Variants in LRBA observed in about 807,000 individuals in gnomAD.
LRBA encodes the protein LPS responsive beige-like anchor protein, also known as lipopolysaccharide-responsive and beige-like anchor protein.
A neutral mutation model predicts 330.0 loss-of-function variants in LRBA; 176 were observed. That is an observed-to-expected ratio of 0.53 (90% CI 0.47 to 0.60). The LOEUF (loss-of-function observed/expected upper bound fraction) is 0.60. Ranked by LOEUF, LRBA falls within the 20% of genes least tolerant of loss-of-function variation. The pLI is 0.00. For missense variants in LRBA, 3,259 were observed against 3,444.8 expected, an observed-to-expected ratio of 0.95 and a Z score of 1.35; for synonymous variants, 1,230 against 1,193.0, an observed-to-expected ratio of 1.03 and a Z score of -0.64.
At chr4:150,688,467 A>T (rs1783820725) in intron 36 of LRBA, among the ~76,000 whole-genome samples, 1 of 152,212 alleles carries the variant, frequency 6.6e-6, no homozygotes, top group African/African-American at 2.4e-5. Flanking sequence ...ATCTAATTAA[A>T]CTAAAGAGCT....
chr4:150,672,907 T>C (rs1362937716), intron 37 of LRBA, among the ~76,000 whole-genome samples: 1 of 152,012 alleles, frequency 6.6e-6, no homozygotes, highest in Non-Finnish European at 1.5e-5. Context: ...TAGAAATGCA[T>C]CAACGGAAGG....
At chr4:150,864,696 G>C (rs1230927093) in intron 22 of LRBA, among the ~76,000 whole-genome samples, 1 of 146,610 alleles carries the variant, frequency 6.8e-6, no homozygotes, top group Non-Finnish European at 1.5e-5. Flanking sequence ...ACCCAGGCTG[G>C]AGTATAGTGG....
chr4:150,672,789 A>C (rs1396024018), intron 37 of LRBA, among the ~76,000 whole-genome samples: 45 of 152,302 alleles, frequency 3.0e-4, no homozygotes. Flanking sequence ...ACAGTATCCA[A>C]GTCTGTCTAT....
intron 2 of LRBA, chr4:150,970,562 C>CGTGTGTGTGT (rs1561074281): frequency 6.1e-4 from 67 of 109,464 alleles, no homozygotes; most frequent in African/African-American, 2.4e-3. Context: ...TGTGTACACA[C>CGTGTGTGTGT]ACACACACAC....
intron 2 of LRBA, among the ~76,000 whole-genome samples, chr4:150,944,192 C>T (rs1148640): frequency 0.96 from 146,101 of 152,320 alleles, 70,357 homozygotes; most frequent in Non-Finnish European, 1. Context: ...ATGTTTATCA[C>T]TGTTTTACAC....
chr4:150,354,171 T>C (rs1021784878), intron 47 of LRBA, among the ~76,000 whole-genome samples: 2 of 152,252 alleles, frequency 1.3e-5, no homozygotes, highest in South Asian at 4.1e-4. Flanking sequence ...ATAACTCCCA[T>C]TTTTAAGATT....
intron 34 of LRBA, among the ~76,000 whole-genome samples, chr4:150,765,022 T>C (rs1735567270): frequency 6.6e-6 from 1 of 151,018 alleles, no homozygotes; most frequent in African/African-American, 2.4e-5. Flanking sequence ...GCAAACAAAA[T>C]GTCCTTCAGA....
intron 2 of LRBA, among the ~76,000 whole-genome samples, chr4:150,954,817 CAAAAAAAAA>C (rs34282784): frequency 2.2e-5 from 1 of 45,530 alleles, no homozygotes; most frequent in East Asian, 6.6e-4. Context: ...ACTCAGAAAT[CAAAAAAAAA>C]AAAAAAAAAA....
chr4:150,711,925 T>G (rs1283113753), intron 36 of LRBA, among the ~76,000 whole-genome samples: 1 of 152,166 alleles, frequency 6.6e-6, no homozygotes, highest in African/African-American at 2.4e-5. Context: ...ATTCAAAAGT[T>G]TACTCACTGA....
chr4:150,743,286 C>T (rs7663641), intron 35 of LRBA, among the ~76,000 whole-genome samples: 133,082 of 152,164 alleles, frequency 0.87, 58,586 homozygotes, highest in Non-Finnish European at 0.94. Flanking sequence ...CTTAATAATG[C>T]GCTATATGAA....
intron 37 of LRBA, among the ~76,000 whole-genome samples, chr4:150,669,237 TAG>T (rs1554076262): frequency 2.6e-5 from 4 of 152,298 alleles, no homozygotes; most frequent in Non-Finnish European, 5.9e-5. Flanking sequence ...TTACAAATAT[TAG>T]AGTTCCTGTA....
intron 47 of LRBA, among the ~76,000 whole-genome samples, chr4:150,385,380 C>G (rs530217999): frequency 1.3e-5 from 2 of 152,158 alleles, no homozygotes; most frequent in East Asian, 3.9e-4. Flanking sequence ...AAAATAAACT[C>G]GTTTTTTAGT....
intron 34 of LRBA, among the ~76,000 whole-genome samples, chr4:150,795,030 C>A (rs1175641512): frequency 6.6e-6 from 1 of 152,014 alleles, no homozygotes; most frequent in Admixed American, 6.5e-5. Flanking sequence ...GGGTTGAAAC[C>A]ATTTTTAAAT....
At chr4:150,843,324 A>C (rs1282952716) in intron 28 of LRBA, among the ~76,000 whole-genome samples, 2 of 152,372 alleles carry the variant, frequency 1.3e-5, no homozygotes, top group Admixed American at 1.3e-4. Flanking sequence ...AATTGAGGTT[A>C]GAAAGTTTGT....
intron 34 of LRBA, among the ~76,000 whole-genome samples, chr4:150,783,007 A>G (rs1407166767): frequency 1.3e-5 from 2 of 152,174 alleles, no homozygotes; most frequent in Non-Finnish European, 2.9e-5. Context: ...TTTGTTTTCA[A>G]TGTCAGAAAT....
Position 150,659,130 on chromosome 4 carries a change from G to T in LRBA, c.5921+24421C>A, listed in dbSNP as rs1320054765. Among the ~76,000 whole-genome samples the T allele has an allele frequency of 2.2e-5, 3 of 136,928 alleles. No individual in the cohort carries two copies. The Admixed American group carries it at 2.2e-4, about 10-fold the overall frequency. The allele number at this position is 136,928 out of a possible 152,430, so 89.8% of individuals were successfully genotyped here. ...AGTGCCGAGATTGCAGCCTCTGCCCGGCCGCCACCCCGTCTGGGAAGGGAG... is the reference window on the plus strand; with the variant it reads ...AGTGCCGAGATTGCAGCCTCTGCCCTGCCGCCACCCCGTCTGGGAAGGGAG... On this transcript the variant is annotated intron_variant, in intron 37 of 56. Coordinates refer to ENST00000651943, the MANE Select transcript of LRBA (RefSeq NM_001364905.1).
intron 22 of LRBA, among the ~76,000 whole-genome samples, 150 bp downstream of exon 22, chr4:150,867,515 CTATTGA>C (rs1400834774): frequency 6.6e-6 from 1 of 152,074 alleles, no homozygotes; most frequent in Non-Finnish European, 1.5e-5. Flanking sequence ...TGCTTTATTT[CTATTGA>C]TAATCTTTTT....
rs770266168 is a variant in LRBA, at chr4:150,900,076, G to T, written c.1897C>A (p.Arg633=). Residue 633 remains arginine (R), a synonymous_variant, in exon 14 of 57, where the codon CGA becomes AGA. Transcript: ENST00000651943. Reference sequence around the variant, plus strand: ...AATCCTTTTGGGGTGATACCACTTCGATCCTGAGGATTCACTGCCCAGTAG... The same window carrying T: ...AATCCTTTTGGGGTGATACCACTTCTATCCTGAGGATTCACTGCCCAGTAG... The part of the protein sequence containing the change: ...YYYWAVNPQD[R]SGITPKGLDG... 9 of 1,613,068 alleles carry T rather than the reference G, an allele frequency of 5.6e-6. No homozygotes were observed. The highest frequency in any genetic ancestry group is 7.6e-6 in the Non-Finnish European group (9 of 1,179,326).
rs753950457 is a variant in LRBA at position 150,828,922 on chromosome 4, GGTGT to G, written c.4730-305_4730-302del. Among the ~76,000 whole-genome samples the G allele has an allele frequency of 1.3e-3, 134 of 106,232 alleles. No homozygotes were observed. The East Asian group carries it at 0.014, about 11-fold the overall frequency. The allele number at this position is 106,232 out of a possible 152,430, so 69.7% of individuals were successfully genotyped here. On this transcript the variant is annotated intron_variant, in intron 29 of 56. Transcript: ENST00000651943. ...GAAAAAGTCTATAATCTTTTTTGGG[GGTGT>G]GTGTGTGTGTGTGTGTGTGTGTGTG...
Sources: allele counts gnomAD v4.1 joint callset (sites outside exome capture counted in the v4.1 genomes callset), GRCh38; gene constraint gnomAD v4.1.1; transcripts MANE v1.5; gene names NCBI Gene and HGNC (gene_info 2026-07-23, HGNC 2026-07-21).